The following RGS7BP variants were observed in gnomAD, a reference collection of about 807,000 sequenced individuals.
RGS7BP encodes regulator of G protein signaling 7 binding protein, also known as regulator of G protein signaling 7-binding protein.
In RGS7BP, 9 loss-of-function variants were observed where a neutral mutation model predicts 31.3. The observed-to-expected ratio is 0.29, with a 90% CI of 0.17 to 0.50. RGS7BP has a LOEUF of 0.50. Ranked by LOEUF, RGS7BP falls within the 20% of genes least tolerant of loss-of-function variation. The pLI is 0.98. For synonymous variants in RGS7BP, 115 were observed against 120.1 expected (o/e 0.96, Z 0.28); for missense variants, 274 against 322.0 (o/e 0.85, Z 1.14).
intron 5 of RGS7BP, among the ~76,000 whole-genome samples, chr5:64,602,020 G>A (rs1266412822): frequency 6.6e-6 from 1 of 152,162 alleles, no homozygotes; most frequent in Non-Finnish European, 1.5e-5. Context: ...AGGTAAGTCA[G>A]GAATTGACCT....
intron 2 of RGS7BP, among the ~76,000 whole-genome samples, chr5:64,555,909 T>C (rs927569486): frequency 2.0e-5 from 3 of 152,154 alleles, no homozygotes; most frequent in African/African-American, 7.2e-5. Flanking sequence ...CACCAGCCCA[T>C]TTTAAGTATT....
intron 5 of RGS7BP, among the ~76,000 whole-genome samples, chr5:64,601,976 C>T (rs915316851): frequency 1.3e-5 from 2 of 152,122 alleles, no homozygotes; most frequent in South Asian, 4.1e-4. Flanking sequence ...AGAATTTGGT[C>T]GTTGATGCCA....
At chr5:64,598,794 A>T in intron 5 of RGS7BP, among the ~76,000 whole-genome samples, 1 of 152,222 alleles carries the variant, frequency 6.6e-6, no homozygotes, top group East Asian at 1.9e-4. Context: ...AAAAATTAAC[A>T]TATATTGAGA....
chr5:64,601,345 GT>G, intron 5 of RGS7BP: 4 of 502,284 alleles, frequency 8.0e-6, no homozygotes, highest in Non-Finnish European at 1.0e-5. Flanking sequence ...CTCCAAAACT[GT>G]TCCATGTTTA....
chr5:64,575,723 T>C, intron 2 of RGS7BP, 51 bp from the exon 3 acceptor site: 2 of 1,560,610 alleles, frequency 1.3e-6, no homozygotes, highest in Non-Finnish European at 8.7e-7. Context: ...AAATGGCTGA[T>C]GAGTGAAATC....
chr5:64,510,017 A>G (rs1238396941), intron 2 of RGS7BP, among the ~76,000 whole-genome samples: 4 of 152,082 alleles, frequency 2.6e-5, no homozygotes, highest in South Asian at 2.1e-4. Flanking sequence ...TTCTGATATC[A>G]TTTGTTATGT....
chr5:64,562,071 A>C lies in RGS7BP; in HGVS notation c.333-13703A>C, dbSNP rs549556633. On this transcript the variant is annotated intron_variant, in intron 2 of 5. Coordinates refer to ENST00000334025, the MANE Select transcript of RGS7BP (RefSeq NM_001029875.3). ...AAAGGACTGCAAGTTTTCTATCACT[A>C]TTCAGAAAAATCAATTTGTGTTAGA... 1.3e-4 allele frequency among the ~76,000 whole-genome samples: 20 copies of C among 152,332 alleles called. No individual in the cohort carries two copies. The South Asian group carries it at 4.1e-3, about 32-fold the overall frequency.
chr5:64,603,679 C>G (rs887862253), intron 5 of RGS7BP, among the ~76,000 whole-genome samples: 3 of 152,160 alleles, frequency 2.0e-5, no homozygotes, highest in African/African-American at 7.2e-5. Context: ...AAGGTAGTCA[C>G]TTGTGGTGTT....
chr5:64,603,946 T>A (rs910321291), intron 5 of RGS7BP, among the ~76,000 whole-genome samples: 2 of 151,946 alleles, frequency 1.3e-5, no homozygotes, highest in African/African-American at 4.8e-5. Context: ...GGAAAAAAAA[T>A]GTTTAAGCTA....
At chr5:64,594,167 C>T (rs990488461) in intron 3 of RGS7BP, among the ~76,000 whole-genome samples, 2 of 152,148 alleles carry the variant, frequency 1.3e-5, no homozygotes, top group Admixed American at 6.6e-5. Flanking sequence ...AGGCTTTCTC[C>T]TCATAGAAGG....
intron 2 of RGS7BP, among the ~76,000 whole-genome samples, chr5:64,560,238 C>T (rs1054640101): frequency 6.6e-6 from 1 of 151,978 alleles, no homozygotes; most frequent in Non-Finnish European, 1.5e-5. Flanking sequence ...ACAGACTAAC[C>T]CAGTGGTTTT....
chr5:64,605,430 T>C (rs1372439406), intron 5 of RGS7BP, among the ~76,000 whole-genome samples: 1 of 152,100 alleles, frequency 6.6e-6, no homozygotes, highest in Non-Finnish European at 1.5e-5. Context: ...TGGGAACTTG[T>C]AAGAAATGCT....
chr5:64,515,252 A>T (rs924046435), intron 2 of RGS7BP, among the ~76,000 whole-genome samples: 2 of 152,302 alleles, frequency 1.3e-5, no homozygotes, highest in Admixed American at 6.5e-5. Context: ...ATCTTATTAC[A>T]TTTAACTATT....
At position 64,609,516 on chromosome 5, in the gene RGS7BP, C is replaced by A; in HGVS notation, c.*264C>A. ...GACATTGTGCATGTCTGCTCCAAAC[C>A]ACGCCATGACAGATGCAAGAATTAT... On this transcript the variant is annotated 3_prime_UTR_variant, in exon 6 of 6. Transcript: ENST00000334025. 2.3e-6 allele frequency: 1 copy of A among 426,304 alleles called. No homozygotes were observed. Among genetic ancestry groups the A allele is most frequent in the South Asian group, 3.8e-5 (1 of 26,388 alleles). The allele number at this position is 426,304 out of a possible 1,614,324, so 26.4% of individuals were successfully genotyped here. A position where few individuals can be genotyped will look rare whatever the true frequency, so the allele number is the denominator to read the frequency against.
chr5:64,527,252 G>A (rs966766806), intron 2 of RGS7BP, among the ~76,000 whole-genome samples: 1 of 152,210 alleles, frequency 6.6e-6, no homozygotes. Context: ...GAGCAGTGTG[G>A]CTCCTAATCC....
chr5:64,545,446 A>G (rs1580416972), intron 2 of RGS7BP, among the ~76,000 whole-genome samples: 1 of 152,096 alleles, frequency 6.6e-6, no homozygotes, highest in African/African-American at 2.4e-5. Flanking sequence ...TTTTATCCTG[A>G]GGGCAATAGA....
rs1056625734 is a variant in RGS7BP at position 64,526,847 on chromosome 5, T to C, written c.332+18970T>C. 1.1e-4 allele frequency among the ~76,000 whole-genome samples: 16 copies of C among 152,250 alleles called. No homozygotes were observed. The East Asian group carries it at 1.5e-3, about 15-fold the overall frequency. On this transcript the variant is annotated intron_variant, in intron 2 of 5. Coordinates refer to ENST00000334025, the MANE Select transcript of RGS7BP (RefSeq NM_001029875.3). Reference sequence around the variant, plus strand: ...TGTGTGTGAGCTAATGCTAAAGGGCTCTGTGGCTGTGAGTACAAATGGGAA... The same window carrying C: ...TGTGTGTGAGCTAATGCTAAAGGGCCCTGTGGCTGTGAGTACAAATGGGAA...
chr5:64,558,468 C>T (rs1741975972), intron 2 of RGS7BP, among the ~76,000 whole-genome samples: 1 of 152,226 alleles, frequency 6.6e-6, no homozygotes, highest in South Asian at 2.1e-4. Flanking sequence ...TTTCCTATGC[C>T]TGTCTTTACT....
At chr5:64,580,364 G>A (rs1742557384) in intron 3 of RGS7BP, among the ~76,000 whole-genome samples, 1 of 152,098 alleles carries the variant, frequency 6.6e-6, no homozygotes, top group African/African-American at 2.4e-5. Flanking sequence ...AATGGGGAAG[G>A]AATGGGGAGC....
Sources: allele counts gnomAD v4.1 joint callset (sites outside exome capture counted in the v4.1 genomes callset), GRCh38; gene constraint gnomAD v4.1.1; transcripts MANE v1.5; gene names NCBI Gene and HGNC (gene_info 2026-07-23, HGNC 2026-07-21).